The following GAP43 variants were observed in gnomAD, a reference collection of about 807,000 sequenced individuals.
GAP43 encodes the protein growth associated protein 43.
In GAP43, 6 loss-of-function variants were observed where a neutral mutation model predicts 18.6. The ratio of observed to expected loss-of-function variants is 0.32; its 90% CI spans 0.18 to 0.64. The LOEUF is 0.64. GAP43 is among the 30% of genes least tolerant of loss of function. GAP43 has a pLI of 0.78. For synonymous variants in GAP43, 115 were observed against 111.4 expected (o/e 1.03, Z -0.20); for missense variants, 292 against 295.5 (o/e 0.99, Z 0.09).
At chr3:115,678,575 GATA>G (rs141829177) in intron 2 of GAP43, among the ~76,000 whole-genome samples, 10,047 of 152,034 alleles carry the variant, frequency 0.066, 443 homozygotes, top group Middle Eastern at 0.12. Context: ...TTAAATTATA[GATA>G]ATAATTTGTT....
intron 1 of GAP43, among the ~76,000 whole-genome samples, chr3:115,671,774 A>T (rs1481920371): frequency 6.6e-6 from 1 of 152,208 alleles, no homozygotes; most frequent in Non-Finnish European, 1.5e-5. Flanking sequence ...AGTGACATTT[A>T]TGAGCTGACT....
intron 1 of GAP43, among the ~76,000 whole-genome samples, chr3:115,635,567 C>T (rs1708317917): frequency 6.6e-6 from 1 of 151,960 alleles, no homozygotes; most frequent in Admixed American, 6.6e-5. Context: ...TGGAATTGGG[C>T]CATAACCTTC....
Position 115,720,841 on chromosome 3 carries a change from G to T in GAP43, c.676G>T (p.Gly226Cys). The change falls in exon 3 of 3, where the codon GGT becomes TGT. Residue 226 changes from glycine to cysteine, a missense_variant. Transcript: ENST00000305124. ...TAAGGAAAGTGCCCGGCAGGACGAG[G>T]GTAAAGAAGAGGAACCTGAGGCTGA... ...KPKESARQDE[G>C]KEEEPEADQE... 1.2e-6 allele frequency: 2 copies of T among 1,613,018 alleles called. No homozygotes were observed.
At chr3:115,689,283 A>G (rs895631813) in intron 2 of GAP43, among the ~76,000 whole-genome samples, 2 of 152,172 alleles carry the variant, frequency 1.3e-5, no homozygotes, top group Non-Finnish European at 2.9e-5. Context: ...TGTCGTCCTC[A>G]GTTTCTCTCC....
At chr3:115,681,686 T>G (rs1708959288) in intron 2 of GAP43, among the ~76,000 whole-genome samples, 1 of 152,196 alleles carries the variant, frequency 6.6e-6, no homozygotes, top group African/African-American at 2.4e-5. Context: ...CATATAAAAG[T>G]CTAATAATAG....
chr3:115,671,064 G>A lies in GAP43; in HGVS notation c.31-4949G>A, dbSNP rs537182143. ...GTTTTAATTTGCTTGGAAGGTTGAG[G>A]CATTCCTATGATAACTGGGAAAAGT... On this transcript the variant is annotated intron_variant, in intron 1 of 2. Coordinates refer to ENST00000305124, the MANE Select transcript of GAP43 (RefSeq NM_002045.4). Among the ~76,000 whole-genome samples, 10 of 152,278 alleles carry A rather than the reference G, an allele frequency of 6.6e-5. 1 individual carries two copies. In the South Asian group the frequency reaches 2.1e-3, roughly 32 times the overall value.
chr3:115,672,927 G>A (rs1374547751), intron 1 of GAP43, among the ~76,000 whole-genome samples: 2 of 152,128 alleles, frequency 1.3e-5, no homozygotes, highest in African/African-American at 4.8e-5. Context: ...CTACATGCGT[G>A]TGGAGTACTT....
rs1389002177 is a variant in GAP43 at position 115,708,024 on chromosome 3, T to TAC, written c.629-12758_629-12757dup. Reference sequence around the variant, plus strand: ...ACACACACACACACACATATATATATACACACACACACATATATACCAAGT... The same window carrying TAC: ...ACACACACACACACACATATATATATACACACACACACACATATATACCAAGT... On this transcript the variant is annotated intron_variant, in intron 2 of 2. Transcript: ENST00000305124. 9.2e-5 allele frequency among the ~76,000 whole-genome samples: 14 copies of TAC among 151,444 alleles called. 1 individual carries two copies. In the South Asian group the frequency reaches 1.3e-3, roughly 14 times the overall value.
At chr3:115,663,824 T>C (rs1385482146) in intron 1 of GAP43, 4 of 1,551,952 alleles carry the variant, frequency 2.6e-6, no homozygotes, top group Non-Finnish European at 3.5e-6. Flanking sequence ...ACTCCACTTT[T>C]TACCTTGCCT....
intron 2 of GAP43, among the ~76,000 whole-genome samples, chr3:115,692,258 G>C (rs897676949): frequency 6.6e-6 from 1 of 152,180 alleles, no homozygotes. Context: ...TCTGGCCATG[G>C]TCCCACAATG....
rs532098296 is a variant in GAP43 at position 115,690,061 on chromosome 3, T to C, written c.628+13451T>C. 2.6e-5 allele frequency among the ~76,000 whole-genome samples: 4 copies of C among 152,382 alleles called. No individual in the cohort carries two copies. The East Asian group carries it at 5.8e-4, about 22-fold the overall frequency. ...CATGGCCAAGGCCAATTTACCTTCC[T>C]TGCTGGTAAAAGATGGTTTTATGGG... On this transcript the variant is annotated intron_variant, in intron 2 of 2. Coordinates refer to ENST00000305124, the MANE Select transcript of GAP43 (RefSeq NM_002045.4).
intron 1 of GAP43, among the ~76,000 whole-genome samples, chr3:115,675,529 A>T (rs961556918): frequency 7.2e-5 from 11 of 152,200 alleles, no homozygotes; most frequent in Middle Eastern, 3.4e-3. Context: ...TGGGAGGTGG[A>T]GGTGGGCGGA....
chr3:115,672,885 A>G (rs1264443019), intron 1 of GAP43, among the ~76,000 whole-genome samples: 2 of 152,020 alleles, frequency 1.3e-5, no homozygotes, highest in African/African-American at 4.8e-5. Flanking sequence ...TAAATCTCTA[A>G]TGATGAAGTC....
At chr3:115,719,735 T>C in intron 2 of GAP43, among the ~76,000 whole-genome samples, 1 of 152,236 alleles carries the variant, frequency 6.6e-6, no homozygotes, top group Middle Eastern at 3.2e-3. Flanking sequence ...ATTTTAGTTA[T>C]GAAGCAGACT....
rs71141831 is a variant in GAP43 at position 115,652,356 on chromosome 3, C to CTTTTTTTTTTTTTTTTTTT, written c.31-23646_31-23628dup. On this transcript the variant is annotated intron_variant, in intron 1 of 2. Coordinates refer to ENST00000305124, the MANE Select transcript of GAP43 (RefSeq NM_002045.4). ...TTCCTGATGATTCTTATCCAGCATT[C>CTTTTTTTTTTTTTTTTTTT]TTTTTTTTTTTTTTTTTTTTTTTTT... Among the ~76,000 whole-genome samples, 12 of 43,808 alleles carry CTTTTTTTTTTTTTTTTTTT rather than the reference C, an allele frequency of 2.7e-4. 2 individuals carry two copies. Among genetic ancestry groups the CTTTTTTTTTTTTTTTTTTT allele is most frequent in the Admixed American group, 3.8e-4 (1 of 2,606 alleles). 28.7% of individuals were successfully genotyped at this position (43,808 alleles called of 152,430 possible).
chr3:115,676,666 C>T (rs1050469427), intron 2 of GAP43, 56 bp downstream of exon 2: 16 of 1,469,478 alleles, frequency 1.1e-5, no homozygotes, highest in Middle Eastern at 5.1e-4. Context: ...AGTTGCTATT[C>T]GGAAGACCAG....
chr3:115,697,393 A>ATGTT (rs1491059963), intron 2 of GAP43, among the ~76,000 whole-genome samples: 1 of 152,186 alleles, frequency 6.6e-6, no homozygotes, highest in Non-Finnish European at 1.5e-5. Context: ...ACCTAAGCAC[A>ATGTT]TGTTTCCTCA....
intron 2 of GAP43, among the ~76,000 whole-genome samples, chr3:115,682,725 C>T (rs571244484): frequency 9.9e-5 from 15 of 152,212 alleles, no homozygotes; most frequent in East Asian, 5.8e-4. Flanking sequence ...TTAGTAAAGA[C>T]GGGATTTTAC....
At chr3:115,698,073 TAA>T (rs1170172707) in intron 2 of GAP43, among the ~76,000 whole-genome samples, 2 of 51,278 alleles carry the variant, frequency 3.9e-5, no homozygotes, top group South Asian at 6.1e-4. Flanking sequence ...ATATTATATA[TAA>T]TATATAAAAT....
Sources: allele counts gnomAD v4.1 joint callset (sites outside exome capture counted in the v4.1 genomes callset), GRCh38; gene constraint gnomAD v4.1.1; transcripts MANE v1.5; gene names NCBI Gene and HGNC (gene_info 2026-07-23, HGNC 2026-07-21).